OSTN: variants seen among roughly 807,000 people sequenced by gnomAD.
The protein encoded by OSTN is osteocrin.
In OSTN, 9 loss-of-function variants were observed where a neutral mutation model predicts 12.0. That is an observed-to-expected ratio of 0.75 (90% CI 0.45 to 1.30). The LOEUF is 1.30. Among genes scored for constraint, OSTN ranks in the 50% most tolerant of loss-of-function variants. The pLI, the probability that OSTN is intolerant of heterozygous loss-of-function variation, is 0.00. For missense variants in OSTN, 148 were observed against 152.3 expected (o/e 0.97, Z 0.15); for synonymous variants, 59 against 56.9 (o/e 1.04, Z -0.16).
chr3:191,211,939 A>G (rs1714428747), intron 1 of OSTN, among the ~76,000 whole-genome samples: 1 of 151,958 alleles, frequency 6.6e-6, no homozygotes, highest in Non-Finnish European at 1.5e-5. Flanking sequence ...CCATTAAGTA[A>G]TTTGTCTTTT....
At chr3:191,253,786 C>T (rs778144659) in intron 4 of OSTN, among the ~76,000 whole-genome samples, 13 of 152,198 alleles carry the variant, frequency 8.5e-5, no homozygotes, top group Non-Finnish European at 1.9e-4. Context: ...TGCAAATTCT[C>T]TACAGATCTA....
chr3:191,204,699 A>C (rs916964745), intron 1 of OSTN, among the ~76,000 whole-genome samples: 22 of 152,328 alleles, frequency 1.4e-4, no homozygotes, highest in African/African-American at 5.3e-4. Context: ...AGCTAGAAAA[A>C]CCTTCTTTAA....
At chr3:191,219,697 C>T (rs948951249) in intron 3 of OSTN, among the ~76,000 whole-genome samples, 6 of 152,134 alleles carry the variant, frequency 3.9e-5, no homozygotes, top group Non-Finnish European at 7.4e-5. Context: ...TTAGAAGTGG[C>T]ACAAAAGACC....
intron 3 of OSTN, among the ~76,000 whole-genome samples, chr3:191,231,034 T>C (rs1337486309): frequency 6.6e-6 from 1 of 152,196 alleles, no homozygotes; most frequent in African/African-American, 2.4e-5. Flanking sequence ...TTTTTATTTT[T>C]TATAGTTGAT....
intron 4 of OSTN, among the ~76,000 whole-genome samples, chr3:191,251,565 T>C (rs369483593): frequency 6.6e-6 from 1 of 152,240 alleles, no homozygotes; most frequent in African/African-American, 2.4e-5. Flanking sequence ...CCTCATGCTC[T>C]AAAACCACAA....
At chr3:191,227,179 T>G (rs1253860472) in intron 3 of OSTN, among the ~76,000 whole-genome samples, 1 of 152,082 alleles carries the variant, frequency 6.6e-6, no homozygotes, top group Non-Finnish European at 1.5e-5. Context: ...AAAAATGGTG[T>G]AAAAACAGTA....
chr3:191,219,195 T>G (rs1714700919), intron 3 of OSTN, among the ~76,000 whole-genome samples: 1 of 152,222 alleles, frequency 6.6e-6, no homozygotes, highest in African/African-American at 2.4e-5. Context: ...CTAAGAAAGA[T>G]TCTGTCTTAT....
At chr3:191,199,592 T>C (rs527385155) in intron 1 of OSTN, among the ~76,000 whole-genome samples, 3 of 152,222 alleles carry the variant, frequency 2.0e-5, no homozygotes, top group Admixed American at 1.3e-4. Flanking sequence ...TACATATATA[T>C]GTTATTAGCG....
rs142312877 is a variant in OSTN at position 191,263,894 on chromosome 3, T to C, written c.*1041T>C. Reference sequence around the variant, plus strand: ...TCAGTTCTCAGTAATAACTATGATGTTACTGTAGCTTGGACACATAGGTCC... The same window carrying C: ...TCAGTTCTCAGTAATAACTATGATGCTACTGTAGCTTGGACACATAGGTCC... On this transcript the variant is annotated 3_prime_UTR_variant, in exon 5 of 5. Transcript: ENST00000682035. The C allele has an allele frequency of 8.5e-4, 129 of 152,280 alleles. No homozygotes were observed. Among genetic ancestry groups the C allele is most frequent in the African/African-American group, 3.0e-3 (124 of 41,566 alleles). The allele number at this position is 152,280 out of a possible 1,614,324, so 9.4% of individuals were successfully genotyped here.
At chr3:191,231,471 AT>A (rs887092128) in intron 3 of OSTN, among the ~76,000 whole-genome samples, 27 of 152,292 alleles carry the variant, frequency 1.8e-4, no homozygotes, top group African/African-American at 6.3e-4. Flanking sequence ...TTTTATAAAA[AT>A]TATAATAATT....
chr3:191,203,176 G>A lies in OSTN; in HGVS notation c.-1+3869G>A, dbSNP rs533516540. ...TCGTATCAAGAAAGCTGGGATATTA[G>A]TATCTGCCCCGCATTCCTGTTTACC... On this transcript the variant is annotated intron_variant, in intron 1 of 4. Coordinates refer to ENST00000682035, the MANE Select transcript of OSTN (RefSeq NM_198184.2). 2.1e-3 allele frequency among the ~76,000 whole-genome samples: 320 copies of A among 152,272 alleles called. 1 individual carries two copies. The highest frequency in any genetic ancestry group is 3.2e-3 in the Non-Finnish European group (217 of 68,022).
chr3:191,202,109 A>G (rs985871144), intron 1 of OSTN, among the ~76,000 whole-genome samples: 2 of 152,230 alleles, frequency 1.3e-5, no homozygotes, highest in Non-Finnish European at 2.9e-5. Flanking sequence ...ATACAATACT[A>G]GGAGTTAGGA....
At chr3:191,261,283 A>G (rs766781105) in intron 4 of OSTN, among the ~76,000 whole-genome samples, 6 of 152,210 alleles carry the variant, frequency 3.9e-5, no homozygotes, top group Non-Finnish European at 8.8e-5. Flanking sequence ...TATACAGGGG[A>G]GCCTTCAGAA....
At chr3:191,222,851 G>C (rs1714804594) in intron 3 of OSTN, among the ~76,000 whole-genome samples, 1 of 152,008 alleles carries the variant, frequency 6.6e-6, no homozygotes, top group African/African-American at 2.4e-5. Context: ...GAGTGAGTGA[G>C]TTCTCATGAG....
At chr3:191,245,665 A>G (rs1160252458) in intron 3 of OSTN, among the ~76,000 whole-genome samples, 4 of 152,334 alleles carry the variant, frequency 2.6e-5, no homozygotes, top group East Asian at 1.9e-4. Context: ...ACTGTAGTAA[A>G]GCAAAAAAGA....
rs778867237 is a variant in OSTN at position 191,236,347 on chromosome 3, C to T, written c.318-13690C>T. On this transcript the variant is annotated intron_variant, in intron 3 of 4. Coordinates refer to ENST00000682035, the MANE Select transcript of OSTN (RefSeq NM_198184.2). ...AGGTATTGTTACCAGAAAGGGGTCC[C>T]GAACCAGACCCCAAGAGAGGGTTCT... Among the ~76,000 whole-genome samples, 9 of 152,062 alleles carry T rather than the reference C, an allele frequency of 5.9e-5. No individual in the cohort carries two copies. In the East Asian group the frequency reaches 7.7e-4, roughly 13 times the overall value.
At chr3:191,243,374 A>G (rs1715362395) in intron 3 of OSTN, among the ~76,000 whole-genome samples, 1 of 152,186 alleles carries the variant, frequency 6.6e-6, no homozygotes, top group Non-Finnish European at 1.5e-5. Flanking sequence ...CAAGTAGAGG[A>G]AATACCTCAA....
Position 191,212,543 on chromosome 3 carries a change from G to T in OSTN, c.11G>T (p.Trp4Leu). The change falls in exon 2 of 5, where the codon TGG (tryptophan) becomes TTG (leucine). Residue 4 changes from tryptophan (W) to leucine (L), a missense_variant. Trp to Leu is a moderately conservative substitution (Grantham distance 61). Transcript: ENST00000682035. MLD[W>L]RLASAHFILA... ...ATATGTAACCCTTAGATGCTGGACT[G>T]GAGATTGGCAAGTGCACATTTCATC... is the stretch of plus-strand genomic sequence containing the variant. 1 of 1,584,734 alleles carries T rather than the reference G, an allele frequency of 6.3e-7. No homozygotes were observed. The highest frequency in any genetic ancestry group is 8.6e-7 in the Non-Finnish European group (1 of 1,161,246).
Position 191,262,943 on chromosome 3 carries a change from A to T in OSTN, c.*90A>T. ...AGTTATTCACACTTCTTAATGATTA[A>T]ACTTTTAAGGAACTGACCTTCTGCA... On this transcript the variant is annotated 3_prime_UTR_variant, in exon 5 of 5. Transcript: ENST00000682035. 1.4e-6 allele frequency: 1 copy of T among 699,342 alleles called. No homozygotes were observed. The highest frequency in any genetic ancestry group is 2.6e-6 in the Non-Finnish European group (1 of 382,652). The allele number at this position is 699,342 out of a possible 1,614,324, so 43.3% of individuals were successfully genotyped here.
Sources: allele counts gnomAD v4.1 joint callset (sites outside exome capture counted in the v4.1 genomes callset), GRCh38; gene constraint gnomAD v4.1.1; transcripts MANE v1.5; gene names NCBI Gene and HGNC (gene_info 2026-07-23, HGNC 2026-07-21).